Variants in ZNF675 observed in about 807,000 individuals in gnomAD.
The protein encoded by ZNF675 is zinc finger protein 675.
In ZNF675, 36 loss-of-function variants were observed where a neutral mutation model predicts 56.1. The ratio of observed to expected loss-of-function variants is 0.64; its 90% CI spans 0.49 to 0.85. ZNF675 has a LOEUF of 0.85. Among genes scored for constraint, ZNF675 ranks in the 40% least tolerant of loss-of-function variants. The pLI, the probability that ZNF675 is intolerant of heterozygous loss-of-function variation, is 0.00. For synonymous variants in ZNF675, 200 were observed against 218.9 expected (o/e 0.91, Z 0.76); for missense variants, 663 against 654.2 (o/e 1.01, Z -0.15).
Position 23,653,929 on chromosome 19 carries a change from G to A in ZNF675, c.1004C>T (p.Thr335Ile). The A allele has an allele frequency of 1.2e-6, 2 of 1,613,456 alleles. No homozygotes were observed. Reference protein sequence around the residue: ...STLTTHKRIHTGEKPYKCEEC... With the variant: ...STLTTHKRIHIGEKPYKCEEC... ...TTCACATTTGTAGGGTTTTTCTCCA[G>A]TATGAATTCTCTTATGTGTAGTAAG... Residue 335 changes from threonine to isoleucine, a missense_variant, in exon 4 of 4, where the codon ACT becomes ATT. Thr to Ile is a moderately conservative substitution (Grantham distance 89, BLOSUM62 -1). Transcript: ENST00000359788.
intron 1 of ZNF675, among the ~76,000 whole-genome samples, chr19:23,681,299 T>A (rs1968373201): frequency 6.6e-6 from 1 of 151,718 alleles, no homozygotes; most frequent in South Asian, 2.1e-4. Flanking sequence ...TGGTACCTAG[T>A]CCTGGGAGGG....
rs1311547828 is a variant in ZNF675, at chr19:23,674,612, C to T, written c.4-11454G>A. ...GAGCCTGGTCGACAGAACGAGACTC[C>T]GTCTCAAAAAAAAAAAAGGAGAGAG... On this transcript the variant is annotated intron_variant, in intron 1 of 3. Transcript: ENST00000359788. Among the ~76,000 whole-genome samples the T allele has an allele frequency of 3.4e-4, 12 of 34,860 alleles. No individual in the cohort carries two copies. The East Asian group carries it at 8.3e-3, about 24-fold the overall frequency. The allele number at this position is 34,860 out of a possible 152,430, so 22.9% of individuals were successfully genotyped here.
At position 23,654,478 on chromosome 19, in the gene ZNF675, A is replaced by G; in HGVS notation, c.455T>C (p.Val152Ala). The G allele has an allele frequency of 6.2e-7, 1 of 1,601,832 alleles. No individual in the cohort carries two copies. The highest frequency in any genetic ancestry group is 8.5e-7 in the Non-Finnish European group (1 of 1,175,182). The change falls in exon 4 of 4, where the codon GTC becomes GCC. Residue 152 changes from valine (V) to alanine (A), a missense_variant. Physicochemically the swap from Val to Ala is moderately conservative, Grantham distance 64 (BLOSUM62 0). Around this residue, in one of 3 missense-constraint regions of ZNF675, gnomAD observed 617 missense variants for 590.5 expected, o/e 1.04. Coordinates refer to ENST00000359788, the MANE Select transcript of ZNF675 (RefSeq NM_138330.3). ...ATCTGAATGTGAAAATTTATTAAAG[A>G]CTTTCACATATTTATCACATTGAAA... ...KMFQCDKYVKVFNKFSHSDRH... is the reference protein window; with the variant it reads ...KMFQCDKYVKAFNKFSHSDRH...
rs1599422363 is a variant in ZNF675 at position 23,677,102 on chromosome 19, A to G, written c.3+9929T>C. 5.4e-5 allele frequency among the ~76,000 whole-genome samples: 8 copies of G among 149,234 alleles called. No individual in the cohort carries two copies. The South Asian group carries it at 6.4e-4, about 12-fold the overall frequency. On this transcript the variant is annotated intron_variant, in intron 1 of 3. Coordinates refer to ENST00000359788, the MANE Select transcript of ZNF675 (RefSeq NM_138330.3). The stretch of plus-strand genomic sequence containing the variant: ...AAAAAAAAAAAAAAGAGAAAAGAAA[A>G]AAAAGAAAAAGAAAACTGGCACAAG...
intron 3 of ZNF675, chr19:23,655,797 G>C (rs1347651149): frequency 6.6e-6 from 1 of 152,190 alleles, no homozygotes; most frequent in Non-Finnish European, 1.5e-5. Context: ...TATTCTGTTA[G>C]GACACAAATC....
At chr19:23,660,488 A>G (rs1398849015) in intron 3 of ZNF675, among the ~76,000 whole-genome samples, 1 of 152,234 alleles carries the variant, frequency 6.6e-6, no homozygotes. Context: ...TAAACAGTAC[A>G]TTAAAACTTG....
chr19:23,663,156 T>C lies in ZNF675; in HGVS notation c.6A>G (p.Gly2=), dbSNP rs754423625. ...TGGCCACATCCCTAAATGTCAACAG[T>C]CCCTGAAAAACACATACACACAAAC... is the stretch of plus-strand genomic sequence containing the variant. M[G]LLTFRDVAIE... Residue 2 remains glycine (G), a splice_region_variant and synonymous_variant, in exon 2 of 4, where the codon GGA becomes GGG. Coordinates refer to ENST00000359788, the MANE Select transcript of ZNF675 (RefSeq NM_138330.3). 8.1e-6 allele frequency: 13 copies of C among 1,605,830 alleles called. No homozygotes were observed. The highest frequency in any genetic ancestry group is 4.4e-5 in the South Asian group (4 of 90,182).
rs1056601103 is a variant in ZNF675 at position 23,653,172 on chromosome 19, C to T, written c.*54G>A. 3 of 1,456,188 alleles carry T rather than the reference C, an allele frequency of 2.1e-6. No homozygotes were observed. Among genetic ancestry groups the T allele is most frequent in the African/African-American group, 1.4e-5 (1 of 70,542 alleles). 90.2% of individuals were successfully genotyped at this position (1,456,188 alleles called of 1,614,324 possible). ...TTCTTTACATTTCTAGAATTTTTCA[C>T]CAGTATGATTTCCTTTATATTTAGA... On this transcript the variant is annotated 3_prime_UTR_variant, in exon 4 of 4. Transcript: ENST00000359788.
At chr19:23,664,476 T>C (rs1019765423) in intron 1 of ZNF675, among the ~76,000 whole-genome samples, 3 of 152,176 alleles carry the variant, frequency 2.0e-5, no homozygotes, top group African/African-American at 4.8e-5. Flanking sequence ...TCCCCTGCCA[T>C]GGACATCAGC....
chr19:23,655,020 G>C (rs1009678618), intron 3 of ZNF675: 1 of 182,280 alleles, frequency 5.5e-6, no homozygotes, highest in Non-Finnish European at 1.1e-5. Context: ...CGGATCACGA[G>C]GTCAGGAGTT....
At chr19:23,662,934 A>G in intron 2 of ZNF675, 98 bp downstream of exon 2, 1 of 1,197,848 alleles carries the variant, frequency 8.3e-7, no homozygotes, top group East Asian at 3.4e-5. Flanking sequence ...CAGTGAGCCA[A>G]GATCGCACCA....
chr19:23,683,686 C>T (rs8103916), intron 1 of ZNF675, among the ~76,000 whole-genome samples: 147,818 of 152,164 alleles, frequency 0.97, 71,964 homozygotes, highest in Middle Eastern at 1. Context: ...TTTCAAAATG[C>T]TGGGATAATA....
At chr19:23,665,691 G>A (rs1968142034) in intron 1 of ZNF675, among the ~76,000 whole-genome samples, 2 of 152,082 alleles carry the variant, frequency 1.3e-5, no homozygotes, top group South Asian at 4.2e-4. Flanking sequence ...TAGAGGCAGG[G>A]TTTCACCATG....
At chr19:23,686,997 C>G in intron 1 of ZNF675, 34 bp downstream of exon 1, 1 of 1,613,534 alleles carries the variant, frequency 6.2e-7, no homozygotes. Context: ...CCAGCCCCTT[C>G]CCCCTCTCGG....
intron 3 of ZNF675, among the ~76,000 whole-genome samples, chr19:23,657,598 T>C (rs1458858305): frequency 2.0e-5 from 3 of 152,088 alleles, no homozygotes; most frequent in African/African-American, 7.2e-5. Context: ...ATGCCTGTAA[T>C]CCCAGCTGCT....
rs537726578 is a variant in ZNF675, at chr19:23,674,070, G to A, written c.4-10912C>T. Among the ~76,000 whole-genome samples, 194 of 151,586 alleles carry A rather than the reference G, an allele frequency of 1.3e-3. 9 individuals carry two copies. Among genetic ancestry groups the A allele is most frequent in the African/African-American group, 4.2e-3 (173 of 41,016 alleles). ...ATACAAAAATCAGCCGGGCATGGTG[G>A]TGGGCACCTGTAATTCCACCTACTC... On this transcript the variant is annotated intron_variant, in intron 1 of 3. Transcript: ENST00000359788.
chr19:23,658,893 C>CTA (rs1568289171), intron 3 of ZNF675, among the ~76,000 whole-genome samples: 64 of 7,104 alleles, frequency 9.0e-3, no homozygotes, highest in Non-Finnish European at 0.016. Context: ...AGATATAGAT[C>CTA]TATAGATATC....
At chr19:23,660,448 C>T (rs1425754677) in intron 3 of ZNF675, among the ~76,000 whole-genome samples, 1 of 152,142 alleles carries the variant, frequency 6.6e-6, no homozygotes, top group Non-Finnish European at 1.5e-5. Context: ...AAGTTGCTGG[C>T]TGTAGCTCAT....
At chr19:23,667,811 C>A (rs535183887) in intron 1 of ZNF675, among the ~76,000 whole-genome samples, 1 of 150,812 alleles carries the variant, frequency 6.6e-6, no homozygotes, top group South Asian at 2.1e-4. Context: ...CAAGGCCCCA[C>A]CAGAGCAGCT....
Sources: gnomAD v4.1 joint callset for allele counts (sites outside exome capture counted in the v4.1 genomes callset) on GRCh38, gnomAD v4.1.1 for gene constraint, gnomAD v4.1.1 regional missense constraint, MANE v1.5 for transcripts, NCBI Gene and HGNC (gene_info 2026-07-23, HGNC 2026-07-21) for gene names.